Variants in TENM3 observed in about 807,000 individuals in gnomAD.
TENM3 encodes the protein teneurin transmembrane protein 3, also known as teneurin-3.
In TENM3, 63 loss-of-function variants were observed where a neutral mutation model predicts 255.1. The observed-to-expected ratio is 0.25, with a 90% CI of 0.20 to 0.30. The LOEUF (loss-of-function observed/expected upper bound fraction) is 0.30, where lower values mean the gene tolerates loss of function less well. Ranked by LOEUF, TENM3 falls within the 10% of genes least tolerant of loss-of-function variation. TENM3 has a pLI of 1.00. For missense variants in TENM3, 2,929 were observed against 3,461.1 expected (o/e 0.85, Z 3.86); for synonymous variants, 1,306 against 1,322.3 (o/e 0.99, Z 0.27).
intron 3 of TENM3, among the ~76,000 whole-genome samples, chr4:182,566,538 A>G (rs1743807720): frequency 6.6e-6 from 1 of 152,230 alleles, no homozygotes; most frequent in Non-Finnish European, 1.5e-5. Flanking sequence ...GACTGCTTCC[A>G]AATAGATCAC....
intron 4 of TENM3, among the ~76,000 whole-genome samples, chr4:182,625,350 G>T (rs935433360): frequency 1.3e-5 from 2 of 152,228 alleles, no homozygotes; most frequent in African/African-American, 2.4e-5. Flanking sequence ...CCTCCTGTCA[G>T]ATCAGAGATA....
chr4:182,100,841 T>TGTA, the TENM3 span, among the ~76,000 whole-genome samples: 2 of 15,902 alleles, frequency 1.3e-4, 1 homozygote, highest in Non-Finnish European at 2.0e-4. Flanking sequence ...ATATATATAC[T>TGTA]CATATATATA....
the TENM3 span, among the ~76,000 whole-genome samples, chr4:181,514,284 A>T: frequency 2.4e-3 from 360 of 152,064 alleles, no homozygotes; most frequent in African/African-American, 7.1e-3. Flanking sequence ...AAAAGTTTTT[A>T]AAAAAAATTT....
At chr4:181,541,117 T>C in the TENM3 span, among the ~76,000 whole-genome samples, 1 of 152,328 alleles carries the variant, frequency 6.6e-6, no homozygotes, top group Admixed American at 6.5e-5. Context: ...CTCATGCCTG[T>C]AATCCCAACA....
At chr4:181,678,698 T>C in the TENM3 span, among the ~76,000 whole-genome samples, 1 of 151,932 alleles carries the variant, frequency 6.6e-6, no homozygotes, top group Admixed American at 6.6e-5. Context: ...CCAAAATTAT[T>C]TGTTAGGTTG....
chr4:182,434,383 C>T (rs1309741901), intron 3 of TENM3, among the ~76,000 whole-genome samples: 1 of 152,112 alleles, frequency 6.6e-6, no homozygotes, highest in Non-Finnish European at 1.5e-5. Flanking sequence ...GTATAGCTGG[C>T]TGGGTGCCAT....
At chr4:181,885,191 T>G in the TENM3 span, among the ~76,000 whole-genome samples, 709 of 152,308 alleles carry the variant, frequency 4.7e-3, 9 homozygotes, top group African/African-American at 0.016. Flanking sequence ...TAGCAATCAT[T>G]GAAATTTTCT....
intron 12 of TENM3, among the ~76,000 whole-genome samples, chr4:182,697,520 T>C (rs1014055608): frequency 3.3e-5 from 5 of 152,242 alleles, no homozygotes; most frequent in Non-Finnish European, 2.9e-5. Context: ...GTCCCAGTGA[T>C]TCTCAGTAAT....
At chr4:181,956,779 A>G in the TENM3 span, among the ~76,000 whole-genome samples, 1 of 152,234 alleles carries the variant, frequency 6.6e-6, no homozygotes, top group Non-Finnish European at 1.5e-5. Flanking sequence ...TTCAGATGCT[A>G]TAGGCACTTG....
chr4:182,276,272 T>C (rs1417799932), intron 1 of TENM3, among the ~76,000 whole-genome samples: 48 of 152,324 alleles, frequency 3.2e-4, no homozygotes, highest in Non-Finnish European at 3.8e-4. Context: ...TCAAACCAGA[T>C]GTCTCTCATT....
chr4:182,676,314 A>G lies in TENM3; in HGVS notation c.1326+3095A>G, dbSNP rs543915976. On this transcript the variant is annotated intron_variant, in intron 7 of 27. Coordinates refer to ENST00000511685, the MANE Select transcript of TENM3 (RefSeq NM_001080477.4). ...TCAATGCAGAGCCTTATGGTGAAGT[A>G]TACTGTAGCATTTTAGTGCATTCAC... 3.3e-5 allele frequency among the ~76,000 whole-genome samples: 5 copies of G among 152,340 alleles called. 1 individual carries two copies. In the South Asian group the frequency reaches 8.3e-4, roughly 25 times the overall value.
At chr4:182,720,057 G>A (rs1266587436) in intron 13 of TENM3, among the ~76,000 whole-genome samples, 1 of 151,480 alleles carries the variant, frequency 6.6e-6, no homozygotes, top group Non-Finnish European at 1.5e-5. Context: ...GTGAGACCCT[G>A]TCTCTCACAC....
the TENM3 span, among the ~76,000 whole-genome samples, chr4:181,913,372 C>T: frequency 6.6e-6 from 1 of 152,164 alleles, no homozygotes; most frequent in Non-Finnish European, 1.5e-5. Flanking sequence ...CAAAAATTTT[C>T]TCAGCAAGGC....
At chr4:181,598,299 A>G in the TENM3 span, among the ~76,000 whole-genome samples, 92 of 152,292 alleles carry the variant, frequency 6.0e-4, no homozygotes, top group African/African-American at 1.6e-3. Flanking sequence ...TCACAGTTTC[A>G]GTTAAGGCTC....
chr4:182,433,554 G>A (rs1012575867), intron 3 of TENM3, among the ~76,000 whole-genome samples: 1 of 152,150 alleles, frequency 6.6e-6, no homozygotes, highest in Non-Finnish European at 1.5e-5. Flanking sequence ...TGTACAGAGG[G>A]CAGAAAAAGG....
the TENM3 span, among the ~76,000 whole-genome samples, chr4:181,817,671 G>A: frequency 7.2e-5 from 11 of 152,148 alleles, no homozygotes; most frequent in Non-Finnish European, 1.0e-4. Context: ...TTATAAAAGG[G>A]TCTGATGGAG....
chr4:182,530,749 A>C (rs1014052108), intron 3 of TENM3, among the ~76,000 whole-genome samples: 4 of 152,164 alleles, frequency 2.6e-5, no homozygotes, highest in Non-Finnish European at 5.9e-5. Flanking sequence ...TTGGAGGTAG[A>C]ATTAGTAGGA....
chr4:181,621,624 C>CA, the TENM3 span, among the ~76,000 whole-genome samples: 8 of 152,154 alleles, frequency 5.3e-5, no homozygotes, highest in African/African-American at 1.4e-4. Context: ...CTCACACACA[C>CA]AAAAAAATCA....
the TENM3 span, among the ~76,000 whole-genome samples, chr4:181,945,593 G>A: frequency 6.6e-6 from 1 of 151,828 alleles, no homozygotes; most frequent in East Asian, 1.9e-4. Flanking sequence ...TTGTGTATGA[G>A]GTTGGGGCAC....
Sources: gnomAD v4.1 joint callset for allele counts (sites outside exome capture counted in the v4.1 genomes callset) on GRCh38, gnomAD v4.1.1 for gene constraint, MANE v1.5 for transcripts, NCBI Gene and HGNC (gene_info 2026-07-23, HGNC 2026-07-21) for gene names.